Variants in SCLT1 observed in about 807,000 individuals in gnomAD.
The protein encoded by SCLT1 is sodium channel-associated protein 1.
SCLT1 carries 78 observed loss-of-function variants against 112.8 expected under a neutral mutation model. The observed-to-expected ratio is 0.69, with a 90% CI of 0.58 to 0.83. SCLT1 has a LOEUF of 0.83. Among genes scored for constraint, SCLT1 ranks in the 40% least tolerant of loss-of-function variants. The probability of loss-of-function intolerance (pLI) is 0.00; values close to 1 mark genes in which losing one functional copy is unlikely to be tolerated. For synonymous variants in SCLT1, 257 were observed against 254.7 expected (o/e 1.01, Z -0.09); for missense variants, 747 against 770.4 (o/e 0.97, Z 0.36).
intron 2 of SCLT1, among the ~76,000 whole-genome samples, chr4:129,052,939 A>C (rs1018524303): frequency 6.6e-6 from 1 of 152,064 alleles, no homozygotes; most frequent in Admixed American, 6.6e-5. Flanking sequence ...CTTTGTTCTC[A>C]CTGGTTTCAA....
chr4:128,982,725 C>T (rs1741767610), intron 9 of SCLT1, among the ~76,000 whole-genome samples: 1 of 152,144 alleles, frequency 6.6e-6, no homozygotes, highest in South Asian at 2.1e-4. Flanking sequence ...TGGTCTCAAA[C>T]TCCTGACCTC....
intron 18 of SCLT1, among the ~76,000 whole-genome samples, chr4:128,925,324 T>G (rs565859850): frequency 1.3e-5 from 2 of 152,194 alleles, no homozygotes; most frequent in African/African-American, 4.8e-5. Context: ...TTCATCAAGT[T>G]TGGAAAAAAT....
intron 18 of SCLT1, among the ~76,000 whole-genome samples, chr4:128,923,792 T>C (rs1034693991): frequency 7.2e-5 from 11 of 152,084 alleles, no homozygotes; most frequent in African/African-American, 2.4e-4. Flanking sequence ...AACATTTGTG[T>C]ACAGGTTTTT....
intron 18 of SCLT1, among the ~76,000 whole-genome samples, chr4:128,906,707 G>A (rs1283870813): frequency 6.6e-6 from 1 of 152,064 alleles, no homozygotes; most frequent in Non-Finnish European, 1.5e-5. Context: ...GAAGGAGTTT[G>A]GGGAAATTAT....
At chr4:128,951,857 T>C (rs922995022) in intron 14 of SCLT1, among the ~76,000 whole-genome samples, 2 of 152,178 alleles carry the variant, frequency 1.3e-5, no homozygotes, top group Non-Finnish European at 2.9e-5. Context: ...TTCTATTACA[T>C]TTGGGACCAA....
At position 128,891,111 on chromosome 4, in the gene SCLT1, T is replaced by C; in HGVS notation, c.1856A>G (p.His619Arg). ...CAGCTGAGAAAGCAGCTCTTGGGTA[T>C]GAAGTTTCTGTCGACTCAGCTCACT... ...LKSELSRQKL[H>R]TQELLSQLEM... Residue 619 changes from histidine (H) to arginine (R), a missense_variant, in exon 19 of 21, where the codon CAT becomes CGT. Around this residue, in one of 2 missense-constraint regions of SCLT1, gnomAD observed 723 missense variants for 721.3 expected, o/e 1.00. Transcript: ENST00000281142. The C allele has an allele frequency of 6.2e-7, 1 of 1,612,954 alleles. No homozygotes were observed. Among genetic ancestry groups the C allele is most frequent in the South Asian group, 1.1e-5 (1 of 90,830 alleles).
chr4:129,083,082 T>C (rs1752083341), intron 1 of SCLT1, among the ~76,000 whole-genome samples: 2 of 150,400 alleles, frequency 1.3e-5, no homozygotes, highest in Non-Finnish European at 3.0e-5. Context: ...TCCCAGCTAT[T>C]TGAGAGGCTG....
At chr4:129,005,412 A>G (rs1007216636) in intron 5 of SCLT1, among the ~76,000 whole-genome samples, 2 of 152,214 alleles carry the variant, frequency 1.3e-5, no homozygotes, top group Non-Finnish European at 2.9e-5. Context: ...GACACATGAA[A>G]AAATGCTCAT....
At chr4:128,940,999 C>T (rs1179249165) in intron 17 of SCLT1, among the ~76,000 whole-genome samples, 2 of 152,028 alleles carry the variant, frequency 1.3e-5, no homozygotes, top group African/African-American at 4.8e-5. Flanking sequence ...CTGCTTACTG[C>T]CTACTGTTTT....
chr4:128,912,848 GA>G (rs1193083372), intron 18 of SCLT1, among the ~76,000 whole-genome samples: 2 of 151,938 alleles, frequency 1.3e-5, no homozygotes, highest in Non-Finnish European at 2.9e-5. Flanking sequence ...GAAACAGAAA[GA>G]AAAAAAGATG....
intron 19 of SCLT1, among the ~76,000 whole-genome samples, chr4:128,890,526 C>T (rs1479428246): frequency 6.6e-6 from 1 of 151,972 alleles, no homozygotes; most frequent in Non-Finnish European, 1.5e-5. Context: ...CAGAGAAATT[C>T]CAACAAACAT....
chr4:128,937,163 A>T (rs13133798), intron 17 of SCLT1, among the ~76,000 whole-genome samples: 27,898 of 151,814 alleles, frequency 0.18, 2,811 homozygotes, highest in Middle Eastern at 0.29. Context: ...CTGTAATCCC[A>T]GCTACTCAGG....
At chr4:128,925,401 G>A (rs948208585) in intron 18 of SCLT1, among the ~76,000 whole-genome samples, 5 of 151,768 alleles carry the variant, frequency 3.3e-5, no homozygotes, top group African/African-American at 7.3e-5. Context: ...GGAGTGCAGC[G>A]GCATGATCTT....
intron 5 of SCLT1, among the ~76,000 whole-genome samples, chr4:129,027,351 C>T (rs1465277493): frequency 6.6e-6 from 1 of 152,190 alleles, no homozygotes; most frequent in Admixed American, 6.5e-5. Flanking sequence ...AGCTTATCCA[C>T]CATGATCAAG....
At chr4:128,979,540 T>C (rs546803075) in intron 9 of SCLT1, among the ~76,000 whole-genome samples, 1 of 152,208 alleles carries the variant, frequency 6.6e-6, no homozygotes, top group Non-Finnish European at 1.5e-5. Context: ...CAGACTGTAA[T>C]AAATACATTT....
At chr4:128,956,958 T>C in intron 13 of SCLT1, 68 bp downstream of exon 13, 1 of 794,860 alleles carries the variant, frequency 1.3e-6, no homozygotes, top group Non-Finnish European at 2.0e-6. Flanking sequence ...TTTACAAATA[T>C]TTAGGTAGAA....
intron 20 of SCLT1, 27 bp from the exon 21 acceptor site, chr4:128,884,566 G>A (rs1481791172): frequency 6.9e-7 from 1 of 1,459,308 alleles, no homozygotes; most frequent in Non-Finnish European, 9.6e-7. Context: ...CAATCGGTAA[G>A]TAGTTACTTT....
At chr4:128,908,392 AAAG>A (rs1352519696) in intron 18 of SCLT1, among the ~76,000 whole-genome samples, 3 of 150,840 alleles carry the variant, frequency 2.0e-5, no homozygotes, top group African/African-American at 7.3e-5. Flanking sequence ...AAAAAAAAAA[AAAG>A]AAAGAAAAAA....
At chr4:129,028,552 G>T (rs924357484) in intron 5 of SCLT1, among the ~76,000 whole-genome samples, 18 of 151,942 alleles carry the variant, frequency 1.2e-4, no homozygotes, top group South Asian at 2.1e-4. Context: ...ACTTAAATGT[G>T]AGACCTAAAA....
Sources: gnomAD v4.1 joint callset for allele counts (sites outside exome capture counted in the v4.1 genomes callset) on GRCh38, gnomAD v4.1.1 for gene constraint, gnomAD v4.1.1 regional missense constraint, MANE v1.5 for transcripts, NCBI Gene and HGNC (gene_info 2026-07-23, HGNC 2026-07-21) for gene names.